Variants in ACAP2 observed in about 807,000 individuals in gnomAD.
ACAP2 encodes arf-GAP with coiled-coil, ANK repeat and PH domain-containing protein 2.
Under a neutral mutation model 115.8 loss-of-function variants are expected in ACAP2, and 39 were observed. The ratio of observed to expected loss-of-function variants is 0.34; its 90% confidence interval spans 0.26 to 0.44. ACAP2 has a LOEUF of 0.44. Among genes scored for constraint, ACAP2 ranks in the 20% least tolerant of loss-of-function variants. The pLI is 1.00. For synonymous variants in ACAP2, 289 were observed against 315.8 expected (o/e 0.92, Z 0.90); for missense variants, 662 against 927.6 (o/e 0.71, Z 3.72).
intron 11 of ACAP2, among the ~76,000 whole-genome samples, chr3:195,308,191 T>C (rs2108988507): frequency 6.6e-6 from 1 of 152,306 alleles, no homozygotes; most frequent in East Asian, 1.9e-4. Context: ...TTTTAATTAA[T>C]GTAATTTTTA....
In ACAP2 at chr3:195,291,800, A is replaced by T; in HGVS notation, c.1969T>A (p.Cys657Ser). 6.2e-7 allele frequency: 1 copy of T among 1,613,154 alleles called. No homozygotes were observed. Among genetic ancestry groups the T allele is most frequent in the South Asian group, 1.1e-5 (1 of 90,866 alleles). The change falls in exon 20 of 23, where the codon TGT becomes AGT. Residue 657 changes from cysteine to serine, a missense_variant. Around this residue, in one of 3 missense-constraint regions of ACAP2, gnomAD observed 128 missense variants for 200.2 expected, o/e 0.64. Coordinates refer to ENST00000326793, the MANE Select transcript of ACAP2 (RefSeq NM_012287.6). ...GCACCATTCTGTAGGAGGAACTCACACGTCACCAAAGAGCCCTTAAAGGAA... is the reference window on the plus strand; with the variant it reads ...GCACCATTCTGTAGGAGGAACTCACTCGTCACCAAAGAGCCCTTAAAGGAA... ...QAVLGGSLVT[C>S]EFLLQNGANV...
chr3:195,295,681 T>C (rs556100795), intron 17 of ACAP2, 27 bp downstream of exon 17: 5 of 1,613,184 alleles, frequency 3.1e-6, no homozygotes, highest in South Asian at 1.1e-5. Context: ...AAAATAGCTA[T>C]AGACACAGTA....
At chr3:195,400,070 C>T (rs766986288) in intron 1 of ACAP2, among the ~76,000 whole-genome samples, 14 of 151,446 alleles carry the variant, frequency 9.2e-5, no homozygotes, top group Non-Finnish European at 1.6e-4. Flanking sequence ...CCCAGCTACT[C>T]GGGGGGCTGA....
chr3:195,295,448 G>T (rs1057378686), intron 17 of ACAP2: 3 of 550,226 alleles, frequency 5.5e-6, no homozygotes, highest in Non-Finnish European at 6.2e-6. Flanking sequence ...GAAATGTCAG[G>T]TTTATAATTC....
At chr3:195,441,571 G>T (rs1210660611) in intron 1 of ACAP2, among the ~76,000 whole-genome samples, 2 of 152,166 alleles carry the variant, frequency 1.3e-5, no homozygotes, top group Non-Finnish European at 2.9e-5. Context: ...AGGAGAATAA[G>T]AAATCCAATT....
chr3:195,432,994 GAACT>G (rs1715254030), intron 1 of ACAP2, among the ~76,000 whole-genome samples: 1 of 152,100 alleles, frequency 6.6e-6, no homozygotes, highest in African/African-American at 2.4e-5. Context: ...CATCCTAGCT[GAACT>G]TACTAGTTAT....
At chr3:195,338,693 A>G (rs1327640468) in intron 6 of ACAP2, among the ~76,000 whole-genome samples, 1 of 152,180 alleles carries the variant, frequency 6.6e-6, no homozygotes, top group Non-Finnish European at 1.5e-5. Flanking sequence ...TGCCTTTTAG[A>G]GGATCTCTCC....
At chr3:195,292,226 T>C in intron 19 of ACAP2, 39 bp downstream of exon 19, 1 of 1,515,372 alleles carries the variant, frequency 6.6e-7, no homozygotes, top group Non-Finnish European at 8.8e-7. Context: ...TTTTTAAATA[T>C]TTGATTGCTA....
intron 10 of ACAP2, among the ~76,000 whole-genome samples, chr3:195,310,834 G>A (rs1728715734): frequency 1.3e-5 from 2 of 152,012 alleles, no homozygotes; most frequent in South Asian, 4.1e-4. Flanking sequence ...TTTATAAACT[G>A]AGGAAAGAAA....
chr3:195,430,133 G>C (rs1455657757), intron 1 of ACAP2, among the ~76,000 whole-genome samples: 2 of 152,134 alleles, frequency 1.3e-5, no homozygotes, highest in African/African-American at 4.8e-5. Context: ...CTAATGATTT[G>C]TTTCTGCCAA....
chr3:195,298,220 A>T (rs941949421), intron 15 of ACAP2, among the ~76,000 whole-genome samples: 7 of 150,956 alleles, frequency 4.6e-5, no homozygotes, highest in Non-Finnish European at 7.4e-5. Context: ...GAGCACTCTC[A>T]TAGGCAAGAG....
chr3:195,366,330 T>C (rs1732721768), intron 4 of ACAP2, among the ~76,000 whole-genome samples: 1 of 152,246 alleles, frequency 6.6e-6, no homozygotes, highest in Admixed American at 6.5e-5. Flanking sequence ...GATTCTGTTA[T>C]ACAAACATTG....
At chr3:195,314,996 C>T (rs1410544477) in intron 10 of ACAP2, among the ~76,000 whole-genome samples, 2 of 152,196 alleles carry the variant, frequency 1.3e-5, no homozygotes, top group South Asian at 2.1e-4. Flanking sequence ...TACTTAAAGA[C>T]TTTAGTCACA....
At chr3:195,350,109 A>C (rs1013870439) in intron 4 of ACAP2, 1 of 155,190 alleles carries the variant, frequency 6.4e-6, no homozygotes, top group African/African-American at 2.4e-5. Context: ...TGAGTAACAC[A>C]TATACTATTC....
At chr3:195,421,580 C>T (rs1577455957) in intron 1 of ACAP2, among the ~76,000 whole-genome samples, 2 of 152,288 alleles carry the variant, frequency 1.3e-5, no homozygotes, top group Admixed American at 1.3e-4. Flanking sequence ...TGCATTAGTG[C>T]TGTAGTCATA....
rs1196774575 is a variant in ACAP2, at chr3:195,318,675, C to T, written c.857+2026G>A. On this transcript the variant is annotated intron_variant, in intron 10 of 22. Coordinates refer to ENST00000326793, the MANE Select transcript of ACAP2 (RefSeq NM_012287.6). ...CATTCAAGAGGTGACTTGGATTTCCCGAAAGTGTACCATTATATGCGTTCA... is the reference window on the plus strand; with the variant it reads ...CATTCAAGAGGTGACTTGGATTTCCTGAAAGTGTACCATTATATGCGTTCA... 3.3e-5 allele frequency among the ~76,000 whole-genome samples: 5 copies of T among 151,946 alleles called. No homozygotes were observed. In the South Asian group the frequency reaches 6.2e-4, roughly 19 times the overall value.
chr3:195,419,163 C>A (rs1458780160), intron 1 of ACAP2, among the ~76,000 whole-genome samples: 1 of 152,096 alleles, frequency 6.6e-6, no homozygotes, highest in South Asian at 2.1e-4. Context: ...GCACCCATCA[C>A]CCCAGTCTAA....
At chr3:195,429,014 G>A (rs1446205776) in intron 1 of ACAP2, among the ~76,000 whole-genome samples, 3 of 152,122 alleles carry the variant, frequency 2.0e-5, no homozygotes, top group Non-Finnish European at 2.9e-5. Flanking sequence ...ATCAAACAAT[G>A]GAAGCAATCT....
At chr3:195,303,264 C>T (rs1313632524) in intron 13 of ACAP2, among the ~76,000 whole-genome samples, 1 of 151,578 alleles carries the variant, frequency 6.6e-6, no homozygotes, top group Admixed American at 6.6e-5. Flanking sequence ...TACAAATTAG[C>T]TAGGCATGGT....
Sources: gnomAD v4.1 joint callset for allele counts (sites outside exome capture counted in the v4.1 genomes callset) on GRCh38, gnomAD v4.1.1 for gene constraint, gnomAD v4.1.1 regional missense constraint, MANE v1.5 for transcripts, NCBI Gene and HGNC (gene_info 2026-07-23, HGNC 2026-07-21) for gene names.